The following STAT5B variants were observed in gnomAD, a reference collection of about 807,000 sequenced individuals.
STAT5B encodes signal transducer and activator of transcription 5B.
STAT5B carries 21 observed loss-of-function variants against 107.8 expected under a neutral mutation model. The ratio of observed to expected loss-of-function variants is 0.19; its 90% CI spans 0.14 to 0.28. STAT5B has a LOEUF of 0.28. Among genes scored for constraint, STAT5B ranks in the 10% least tolerant of loss-of-function variants. STAT5B has a pLI of 1.00. For synonymous variants in STAT5B, 325 were observed against 401.7 expected, an observed-to-expected ratio of 0.81 and a Z score of 2.28; for missense variants, 565 against 1,008.2, an observed-to-expected ratio of 0.56 and a Z score of 5.95.
chr17:42,251,998 CAAAA>C (rs78151719), intron 1 of STAT5B, among the ~76,000 whole-genome samples: 1 of 69,416 alleles, frequency 1.4e-5, no homozygotes, highest in Non-Finnish European at 3.3e-5. Context: ...GGCTCCGTCT[CAAAA>C]AAAAAAAAAA....
chr17:42,261,960 A>G (rs1474321706), intron 1 of STAT5B, among the ~76,000 whole-genome samples: 1 of 152,074 alleles, frequency 6.6e-6, no homozygotes, highest in African/African-American at 2.4e-5. Flanking sequence ...TCAGCCTCCC[A>G]AAGTGCTAGG....
chr17:42,257,077 C>T (rs936565017), intron 1 of STAT5B, among the ~76,000 whole-genome samples: 1 of 151,982 alleles, frequency 6.6e-6, no homozygotes, highest in Non-Finnish European at 1.5e-5. Flanking sequence ...TTAACAGATA[C>T]TTATTGAGTA....
chr17:42,256,416 C>T (rs762941464), intron 1 of STAT5B, among the ~76,000 whole-genome samples: 10 of 152,168 alleles, frequency 6.6e-5, no homozygotes, highest in Non-Finnish European at 1.2e-4. Context: ...AAAAGGCACA[C>T]TTTCAGTCCT....
At chr17:42,255,644 C>T (rs1298358968) in intron 1 of STAT5B, among the ~76,000 whole-genome samples, 1 of 152,134 alleles carries the variant, frequency 6.6e-6, no homozygotes, top group Non-Finnish European at 1.5e-5. Context: ...GTTGTCAGAG[C>T]CTGCGGGGAG....
At chr17:42,245,430 CA>C (rs2080443286) in intron 1 of STAT5B, among the ~76,000 whole-genome samples, 1 of 151,674 alleles carries the variant, frequency 6.6e-6, no homozygotes, top group Admixed American at 6.6e-5. Context: ...TGGCTCACTG[CA>C]ACCCCCACCT....
At chr17:42,249,209 T>C (rs932265440) in intron 1 of STAT5B, among the ~76,000 whole-genome samples, 3 of 152,136 alleles carry the variant, frequency 2.0e-5, no homozygotes, top group African/African-American at 4.8e-5. Context: ...CTGGCTAGCA[T>C]GGTGAAACCC....
intron 1 of STAT5B, among the ~76,000 whole-genome samples, chr17:42,236,607 A>C (rs755796625): frequency 3.3e-5 from 5 of 151,946 alleles, no homozygotes; most frequent in Non-Finnish European, 7.4e-5. Flanking sequence ...ACGCCTGGCT[A>C]ATTTTTTTTA....
chr17:42,245,509 T>C (rs2080444025), intron 1 of STAT5B, among the ~76,000 whole-genome samples: 1 of 151,974 alleles, frequency 6.6e-6, no homozygotes, highest in Non-Finnish European at 1.5e-5. Flanking sequence ...CTGCCACCAA[T>C]GCCTGGCTAA....
At chr17:42,254,360 AAAT>A (rs1567673768) in intron 1 of STAT5B, among the ~76,000 whole-genome samples, 2 of 152,150 alleles carry the variant, frequency 1.3e-5, no homozygotes, top group East Asian at 1.9e-4. Flanking sequence ...GTCTCTTAAA[AAAT>A]AATAATAATA....
chr17:42,227,401 ACC>A, intron 3 of STAT5B, 126 bp downstream of exon 3: 1 of 1,349,312 alleles, frequency 7.4e-7, no homozygotes, highest in Non-Finnish European at 1.0e-6. Context: ...AAAGACCAAA[ACC>A]ACACAACAAG....
chr17:42,222,740 G>A (rs1216753110), intron 5 of STAT5B, among the ~76,000 whole-genome samples: 1 of 149,754 alleles, frequency 6.7e-6, no homozygotes, highest in African/African-American at 2.5e-5. Context: ...GGAGTGCAAT[G>A]GTGAGATCTC....
In STAT5B at chr17:42,200,860, G is replaced by A; in HGVS notation, c.*878C>T. The A allele has an allele frequency of 5.1e-6, 2 of 388,826 alleles. No individual in the cohort carries two copies. The highest frequency in any genetic ancestry group is 4.5e-6 in the Non-Finnish European group (1 of 220,306). The allele number at this position is 388,826 out of a possible 1,614,324, so 24.1% of individuals were successfully genotyped here. A position where few individuals can be genotyped will look rare whatever the true frequency, so the allele number is the denominator to read the frequency against. On this transcript the variant is annotated 3_prime_UTR_variant, in exon 19 of 19. Coordinates refer to ENST00000293328, the MANE Select transcript of STAT5B (RefSeq NM_012448.4). ...TGGGCAGCCGGAACAGCAGCTTCCT[G>A]GGTAACCAGGCAACAATCTCAGCGC...
intron 16 of STAT5B, among the ~76,000 whole-genome samples, chr17:42,203,564 G>T (rs376646097): frequency 3.3e-4 from 50 of 152,282 alleles, no homozygotes; most frequent in African/African-American, 1.1e-3. Flanking sequence ...AATGTTCTAA[G>T]TAGAACTGCC....
intron 2 of STAT5B, 36 bp from the exon 3 acceptor site, chr17:42,227,721 A>G: frequency 1.2e-6 from 2 of 1,608,958 alleles, no homozygotes; most frequent in Middle Eastern, 3.4e-4. Flanking sequence ...GTATACATAC[A>G]TGCACGTGAG....
chr17:42,283,465 C>T, the STAT5B span, among the ~76,000 whole-genome samples: 1 of 152,228 alleles, frequency 6.6e-6, no homozygotes, highest in Non-Finnish European at 1.5e-5. Flanking sequence ...GCCTCTCCCC[C>T]AGGGCAGGCA....
chr17:42,257,372 C>T (rs1433947951), intron 1 of STAT5B, among the ~76,000 whole-genome samples: 1 of 129,384 alleles, frequency 7.7e-6, no homozygotes, highest in Non-Finnish European at 1.6e-5. Context: ...ACCTCCACAA[C>T]ATCAAACAGG....
intron 1 of STAT5B, among the ~76,000 whole-genome samples, chr17:42,241,445 AT>A (rs373823195): frequency 1.4e-3 from 198 of 143,606 alleles, no homozygotes; most frequent in Middle Eastern, 3.5e-3. Context: ...TAGTACAGCA[AT>A]TTTTTTTTTT....
chr17:42,276,966 T>G (rs369994946), upstream of STAT5B, among the ~76,000 whole-genome samples: 2 of 152,336 alleles, frequency 1.3e-5, no homozygotes, highest in Admixed American at 1.3e-4. The surrounding 1 kb of genome is among the most constrained non-coding windows in gnomAD (Gnocchi z 4.8). Flanking sequence ...CAGGCCGAAT[T>G]CACCTGTCCG....
intron 1 of STAT5B, among the ~76,000 whole-genome samples, chr17:42,246,413 A>T (rs189675524): frequency 9.6e-4 from 146 of 152,286 alleles, no homozygotes; most frequent in Non-Finnish European, 1.3e-3. Flanking sequence ...AATTTTTTTT[A>T]AAATGCAATT....
Sources: gnomAD v4.1 joint callset for allele counts (sites outside exome capture counted in the v4.1 genomes callset) on GRCh38, gnomAD v4.1.1 for gene constraint, Gnocchi (gnomAD v3.1) non-coding constraint, MANE v1.5 for transcripts, NCBI Gene and HGNC (gene_info 2026-07-23, HGNC 2026-07-21) for gene names.